KCNN3: variants seen among roughly 807,000 people sequenced by gnomAD.
KCNN3 encodes the protein small conductance calcium-activated potassium channel protein 3.
A neutral mutation model predicts 62.9 loss-of-function variants in KCNN3; 16 were observed. That is an observed-to-expected ratio of 0.25 (90% CI 0.17 to 0.39). The LOEUF is 0.39. KCNN3 is among the 10% of genes least tolerant of loss of function. The pLI is 1.00. For synonymous variants in KCNN3, 370 were observed against 389.2 expected, an observed-to-expected ratio of 0.95 and a Z score of 0.58; for missense variants, 599 against 949.4, an observed-to-expected ratio of 0.63 and a Z score of 4.85.
At chr1:154,821,787 G>A (rs918132431) in intron 2 of KCNN3, among the ~76,000 whole-genome samples, 1 of 152,214 alleles carries the variant, frequency 6.6e-6, no homozygotes, top group Non-Finnish European at 1.5e-5. Flanking sequence ...CTCCCGGTCC[G>A]ATGGTGCTCA....
In KCNN3 at chr1:154,700,160, C is replaced by T. The variant is rs1699823961; in HGVS notation, c.*7816G>A. The T allele has an allele frequency of 6.6e-6, 1 of 152,172 alleles. No individual in the cohort carries two copies. The highest frequency in any genetic ancestry group is 1.5e-5 in the Non-Finnish European group (1 of 68,032). The allele number at this position is 152,172 out of a possible 1,614,324, so 9.4% of individuals were successfully genotyped here. A position where few individuals can be genotyped will look rare whatever the true frequency, so the allele number is the denominator to read the frequency against. On this transcript the variant is annotated 3_prime_UTR_variant, in exon 8 of 8. Coordinates refer to ENST00000271915, the MANE Select transcript of KCNN3 (RefSeq NM_002249.6). ...TAATTATTAACGAGGTTAGTTATCA[C>T]TACGGTGAGGTGAGGCCAGTGCTTA...
At chr1:154,713,383 C>T in intron 7 of KCNN3, 81 bp downstream of exon 7, 1 of 1,217,196 alleles carries the variant, frequency 8.2e-7, no homozygotes, top group Non-Finnish European at 1.2e-6. Flanking sequence ...CCAGTGCGAA[C>T]CCAGCCAGGA....
intron 1 of KCNN3, among the ~76,000 whole-genome samples, chr1:154,856,476 A>C (rs1267134747): frequency 3.9e-5 from 6 of 152,174 alleles, no homozygotes; most frequent in Non-Finnish European, 5.9e-5. Flanking sequence ...CTTCCCGCAG[A>C]TGGCCAGTGC....
chr1:154,778,879 C>T (rs150867141), intron 2 of KCNN3, among the ~76,000 whole-genome samples: 2,925 of 152,084 alleles, frequency 0.019, 90 homozygotes, highest in African/African-American at 0.067. Context: ...TGGGATTACA[C>T]GTATGAGCCA....
At chr1:154,844,928 C>A (rs554444172) in intron 1 of KCNN3, among the ~76,000 whole-genome samples, 1 of 152,158 alleles carries the variant, frequency 6.6e-6, no homozygotes, top group East Asian at 1.9e-4. Flanking sequence ...ATGGCTTGAG[C>A]CCAGGAGGTG....
At chr1:154,711,102 G>A (rs1228668911) in intron 7 of KCNN3, among the ~76,000 whole-genome samples, 16 of 152,042 alleles carry the variant, frequency 1.1e-4, no homozygotes, top group African/African-American at 3.9e-4. Context: ...CCAAATGTCT[G>A]ACAATGATAG....
chr1:154,821,420 C>A (rs905553058), intron 2 of KCNN3, among the ~76,000 whole-genome samples: 1 of 152,226 alleles, frequency 6.6e-6, no homozygotes, highest in Non-Finnish European at 1.5e-5. Context: ...GATCTGTTCT[C>A]TCCTGTCTGA....
chr1:154,806,118 G>A (rs934230668), intron 2 of KCNN3, among the ~76,000 whole-genome samples: 9 of 152,208 alleles, frequency 5.9e-5, no homozygotes, highest in East Asian at 1.9e-4. Flanking sequence ...AAATGGGGCC[G>A]TTGTGGGGTA....
chr1:154,764,287 A>G (rs369645409), intron 3 of KCNN3, among the ~76,000 whole-genome samples: 13 of 152,214 alleles, frequency 8.5e-5, no homozygotes, highest in African/African-American at 3.1e-4. Flanking sequence ...TGTCTTAGCT[A>G]TGTGGGCTCT....
chr1:154,751,638 C>T (rs556191882), intron 3 of KCNN3, among the ~76,000 whole-genome samples: 20 of 152,240 alleles, frequency 1.3e-4, no homozygotes, highest in South Asian at 8.3e-4. Context: ...AATGGCAACA[C>T]TCAGAGTCAC....
intron 2 of KCNN3, among the ~76,000 whole-genome samples, chr1:154,783,207 C>T (rs1295888132): frequency 1.2e-5 from 1 of 80,762 alleles, no homozygotes; most frequent in African/African-American, 3.9e-5. Context: ...AACGAGACTC[C>T]ATCTCAAAAA....
Position 154,869,320 on chromosome 1 carries a change from G to T in KCNN3, c.645C>A (p.Asn215Lys). ...GQPLQLFSPS[N>K]PPEIVISSRE... The stretch of plus-strand genomic sequence containing the variant: ...GGGAGGAGATGACGATCTCCGGGGG[G>T]TTGCTAGGGCTGAAAAGCTGGAGGG... Residue 215 changes from asparagine to lysine, a missense_variant, in exon 1 of 8, where the codon AAC becomes AAA. Physicochemically the swap from Asn to Lys is moderately conservative, Grantham distance 94. Coordinates refer to ENST00000271915, the MANE Select transcript of KCNN3 (RefSeq NM_002249.6). This position sits in a 1 kb window ranked among gnomAD's most constrained non-coding sequence, Gnocchi z 6.1. 6.2e-7 allele frequency: 1 copy of T among 1,613,764 alleles called. No homozygotes were observed. The highest frequency in any genetic ancestry group is 8.5e-7 in the Non-Finnish European group (1 of 1,179,688).
chr1:154,844,226 A>G (rs13375433), intron 1 of KCNN3, among the ~76,000 whole-genome samples: 4,889 of 152,308 alleles, frequency 0.032, 272 homozygotes, highest in African/African-American at 0.11. Context: ...TTCATGCATT[A>G]TTAGTACGCG....
chr1:154,814,143 G>T (rs1163910009), intron 2 of KCNN3, among the ~76,000 whole-genome samples: 2 of 152,266 alleles, frequency 1.3e-5, no homozygotes, highest in Non-Finnish European at 2.9e-5. Context: ...CCCTTAGGAT[G>T]CAGAAAGCAC....
intron 1 of KCNN3, among the ~76,000 whole-genome samples, chr1:154,852,219 T>TG (rs917992979): frequency 6.6e-6 from 1 of 152,046 alleles, no homozygotes. Flanking sequence ...TCTTTTTTTT[T>TG]TCTCGGACGG....
chr1:154,767,403 C>T (rs533340947), intron 3 of KCNN3, among the ~76,000 whole-genome samples: 1 of 152,280 alleles, frequency 6.6e-6, no homozygotes, highest in Non-Finnish European at 1.5e-5. Flanking sequence ...CGAAGGGAAT[C>T]CACTCAAGAG....
At chr1:154,728,631 G>A (rs1056452968) in intron 4 of KCNN3, among the ~76,000 whole-genome samples, 1 of 147,886 alleles carries the variant, frequency 6.8e-6, no homozygotes, top group African/African-American at 2.7e-5. Flanking sequence ...GGGAGGGGAG[G>A]AGAGAGGAGA....
At chr1:154,758,078 A>G (rs1035506385) in intron 3 of KCNN3, among the ~76,000 whole-genome samples, 1 of 152,168 alleles carries the variant, frequency 6.6e-6, no homozygotes, top group African/African-American at 2.4e-5. Flanking sequence ...CAGAGAACTG[A>G]GTTAGGACCC....
intron 3 of KCNN3, among the ~76,000 whole-genome samples, chr1:154,757,226 C>T (rs1647766583): frequency 6.6e-6 from 1 of 152,246 alleles, no homozygotes; most frequent in African/African-American, 2.4e-5. Context: ...GAGAAACTAA[C>T]TATTGCTTTT....
Sources: gnomAD v4.1 joint callset for allele counts (sites outside exome capture counted in the v4.1 genomes callset) on GRCh38, gnomAD v4.1.1 for gene constraint, Gnocchi (gnomAD v3.1) non-coding constraint, MANE v1.5 for transcripts, NCBI Gene and HGNC (gene_info 2026-07-23, HGNC 2026-07-21) for gene names.